CSMD1: variants seen among roughly 807,000 people sequenced by gnomAD.
CSMD1 encodes the protein CUB and Sushi multiple domains 1, also known as CUB and sushi domain-containing protein 1.
In CSMD1, 213 loss-of-function variants were observed where a neutral mutation model predicts 417.5. The ratio of observed to expected loss-of-function variants is 0.51; its 90% CI spans 0.46 to 0.57. The LOEUF (loss-of-function observed/expected upper bound fraction) is 0.57, where lower values mean the gene tolerates loss of function less well. Ranked by LOEUF, CSMD1 falls within the 20% of genes least tolerant of loss-of-function variation. The probability of loss-of-function intolerance (pLI) is 0.00; values close to 1 mark genes in which losing one functional copy is unlikely to be tolerated. For synonymous variants in CSMD1, 2,862 were observed against 1,736.8 expected (o/e 1.65, Z -16.11); for missense variants, 6,923 against 4,529.7 (o/e 1.53, Z -15.17).
At chr8:4,205,556 A>T (rs1483989882) in intron 3 of CSMD1, among the ~76,000 whole-genome samples, 5 of 152,222 alleles carry the variant, frequency 3.3e-5, no homozygotes. Context: ...AGTTGACGGA[A>T]CTCACTGAAG....
chr8:3,736,088 G>C (rs542718940), intron 6 of CSMD1, among the ~76,000 whole-genome samples: 1 of 151,964 alleles, frequency 6.6e-6, no homozygotes, highest in African/African-American at 2.4e-5. Context: ...TAAATTCTAC[G>C]TTTCCAACAC....
At chr8:3,252,704 G>C (rs1002369351) in intron 26 of CSMD1, among the ~76,000 whole-genome samples, 2 of 152,054 alleles carry the variant, frequency 1.3e-5, no homozygotes, top group Non-Finnish European at 2.9e-5. Flanking sequence ...ACTTTTTTTA[G>C]GTTGGTAAGC....
At chr8:4,988,874 G>C (rs1176302750) in intron 1 of CSMD1, among the ~76,000 whole-genome samples, 2 of 152,082 alleles carry the variant, frequency 1.3e-5, no homozygotes, top group Non-Finnish European at 2.9e-5. Context: ...CCTATAATCA[G>C]TCAATTTCAG....
intron 10 of CSMD1, among the ~76,000 whole-genome samples, chr8:3,494,651 T>G (rs1585250326): frequency 6.6e-6 from 1 of 151,004 alleles, no homozygotes; most frequent in Non-Finnish European, 1.5e-5. Context: ...GATGGATGGG[T>G]GGATGGAAAA....
intron 5 of CSMD1, among the ~76,000 whole-genome samples, chr8:3,958,322 T>C (rs779343398): frequency 7.8e-4 from 20 of 25,710 alleles, no homozygotes; most frequent in East Asian, 0.028. Flanking sequence ...AACTCTCTCT[T>C]TTTTTTTTTT....
intron 6 of CSMD1, among the ~76,000 whole-genome samples, chr8:3,716,837 A>G (rs1801870277): frequency 6.6e-6 from 1 of 152,072 alleles, no homozygotes; most frequent in Non-Finnish European, 1.5e-5. Context: ...GTCATCTAAT[A>G]AAACATTATC....
intron 3 of CSMD1, among the ~76,000 whole-genome samples, chr8:4,365,363 T>C (rs1802002747): frequency 6.6e-6 from 1 of 152,226 alleles, no homozygotes; most frequent in Admixed American, 6.5e-5. Context: ...TCATGCATCA[T>C]TTTTTCACAT....
At chr8:4,867,945 T>A (rs972215318) in intron 1 of CSMD1, among the ~76,000 whole-genome samples, 1 of 121,098 alleles carries the variant, frequency 8.3e-6, no homozygotes, top group Admixed American at 9.8e-5. Flanking sequence ...CGTGTGTGTG[T>A]TTCTACAAGT....
intron 2 of CSMD1, among the ~76,000 whole-genome samples, chr8:4,500,586 C>G (rs971817450): frequency 6.6e-6 from 1 of 152,056 alleles, no homozygotes; most frequent in African/African-American, 2.4e-5. Flanking sequence ...AACAGGATAG[C>G]TGTTCTAATG....
In CSMD1 at chr8:4,637,358, CTTG is replaced by C; in HGVS notation, c.283_285del (p.Gln95del). ...ATACCTTACCTCACTTTTAAATTCCCTTGTTGAGGCTGTCCATCGTAAACTGAT... is the reference window on the plus strand; with the variant it reads ...ATACCTTACCTCACTTTTAAATTCCCTTGAGGCTGTCCATCGTAAACTGAT... On this transcript the variant is annotated inframe_deletion, in exon 2 of 70. Coordinates refer to ENST00000635120, the MANE Select transcript of CSMD1 (RefSeq NM_033225.6). 1 of 1,613,542 alleles carries C rather than the reference CTTG, an allele frequency of 6.2e-7. No individual in the cohort carries two copies. The highest frequency in any genetic ancestry group is 8.5e-7 in the Non-Finnish European group (1 of 1,179,498).
chr8:3,091,414 G>T (rs1277921131), intron 48 of CSMD1, 102 bp downstream of exon 48: 8 of 803,348 alleles, frequency 1.0e-5, no homozygotes, highest in Middle Eastern at 7.7e-4. Context: ...TAATCTTTAA[G>T]AATTAGGATT....
At chr8:3,310,366 C>T (rs997323697) in intron 23 of CSMD1, among the ~76,000 whole-genome samples, 5 of 152,160 alleles carry the variant, frequency 3.3e-5, no homozygotes, top group Admixed American at 3.3e-4. Context: ...TTGGAAGTGA[C>T]AGCATCTGAA....
At chr8:3,155,512 T>C (rs1294102274) in intron 39 of CSMD1, among the ~76,000 whole-genome samples, 6 of 151,546 alleles carry the variant, frequency 4.0e-5, no homozygotes, top group African/African-American at 9.7e-5. Flanking sequence ...AGACTACAGA[T>C]GGTCGCCACC....
intron 20 of CSMD1, among the ~76,000 whole-genome samples, chr8:3,363,316 C>G (rs1424612235): frequency 5.9e-5 from 9 of 152,078 alleles, no homozygotes; most frequent in Admixed American, 5.9e-4. Flanking sequence ...GTCATGGTAC[C>G]ATTGAAGGAG....
At chr8:3,869,281 C>T (rs1451918398) in intron 5 of CSMD1, among the ~76,000 whole-genome samples, 1 of 152,194 alleles carries the variant, frequency 6.6e-6, no homozygotes. Flanking sequence ...AATTGTGACA[C>T]ACCACATTCT....
At chr8:4,338,898 G>C (rs1381187356) in intron 3 of CSMD1, among the ~76,000 whole-genome samples, 2 of 152,092 alleles carry the variant, frequency 1.3e-5, no homozygotes, top group Non-Finnish European at 2.9e-5. Flanking sequence ...TACTAGAACT[G>C]ACAACAGAGG....
chr8:3,027,454 G>A (rs1439105104), intron 51 of CSMD1, among the ~76,000 whole-genome samples: 2 of 152,130 alleles, frequency 1.3e-5, no homozygotes, highest in Non-Finnish European at 2.9e-5. Flanking sequence ...GTGTAAAAGG[G>A]ACTCCCCGGC....
intron 36 of CSMD1, among the ~76,000 whole-genome samples, chr8:3,183,984 T>C (rs62502929): frequency 0.08 from 12,193 of 152,238 alleles, 640 homozygotes; most frequent in Admixed American, 0.12. Flanking sequence ...CAGAAAACAC[T>C]TTACAAATGT....
chr8:3,906,167 A>T (rs554859563), intron 5 of CSMD1, among the ~76,000 whole-genome samples: 1 of 152,282 alleles, frequency 6.6e-6, no homozygotes, highest in Admixed American at 6.5e-5. Context: ...TACTACCTGC[A>T]TTTGTGATAT....
Sources: allele counts gnomAD v4.1 joint callset (sites outside exome capture counted in the v4.1 genomes callset), GRCh38; gene constraint gnomAD v4.1.1; transcripts MANE v1.5; gene names NCBI Gene and HGNC (gene_info 2026-07-23, HGNC 2026-07-21).